Variants in PCDHGA1 observed in about 807,000 individuals in gnomAD.
PCDHGA1 encodes the protein protocadherin gamma subfamily A, 1.
Under a neutral mutation model 58.0 loss-of-function variants are expected in PCDHGA1, and 32 were observed. The observed-to-expected ratio is 0.55, with a 90% CI of 0.42 to 0.74. The LOEUF (loss-of-function observed/expected upper bound fraction) is 0.74. Among genes scored for constraint, PCDHGA1 ranks in the 30% least tolerant of loss-of-function variants. PCDHGA1 has a pLI of 0.00. For missense variants in PCDHGA1, 1,205 were observed against 1,182.3 expected, an observed-to-expected ratio of 1.02 and a Z score of -0.28; for synonymous variants, 498 against 501.1, an observed-to-expected ratio of 0.99 and a Z score of 0.08.
Position 141,476,659 on chromosome 5 carries a change from G to C in PCDHGA1, c.2422-18148G>C. On this transcript the variant is annotated intron_variant, in intron 1 of 3. Transcript: ENST00000517417. This position sits in a 1 kb window ranked among gnomAD's most constrained non-coding sequence, Gnocchi z 7.6. ...AGCTGAGCCGAAATGAATACTTTGCGCTTCGCGTGCAGACGCGGGAGGACA... is the reference window on the plus strand; with the variant it reads ...AGCTGAGCCGAAATGAATACTTTGCCCTTCGCGTGCAGACGCGGGAGGACA... 1 of 1,614,252 alleles carries C rather than the reference G, an allele frequency of 6.2e-7. No individual in the cohort carries two copies. The highest frequency in any genetic ancestry group is 8.5e-7 in the Non-Finnish European group (1 of 1,180,048).
rs144482292 is a variant in PCDHGA1 at position 141,385,630 on chromosome 5, C to T, written c.2421+52525C>T. 4.8e-3 allele frequency: 4,617 copies of T among 957,834 alleles called. 22 individuals are homozygous for T. The highest frequency in any genetic ancestry group is 0.011 in the Admixed American group (240 of 22,730). The allele number at this position is 957,834 out of a possible 1,614,324, so 59.3% of individuals were successfully genotyped here. ...ATATATTTTATACATTGGAATGAAT[C>T]GAGTCTTTCATATTGCACAAGGTTA... is the stretch of plus-strand genomic sequence containing the variant. On this transcript the variant is annotated intron_variant, in intron 1 of 3. Coordinates refer to ENST00000517417, the MANE Select transcript of PCDHGA1 (RefSeq NM_018912.3).
In PCDHGA1 at chr5:141,366,563, G is replaced by A. The variant is rs369803383; in HGVS notation, c.2421+33458G>A. 2.0e-5 allele frequency: 32 copies of A among 1,614,130 alleles called. No individual in the cohort carries two copies. The African/African-American group carries it at 3.1e-4, about 15-fold the overall frequency. On this transcript the variant is annotated intron_variant, in intron 1 of 3. Coordinates refer to ENST00000517417, the MANE Select transcript of PCDHGA1 (RefSeq NM_018912.3). ...CGCCTCGCACTTTGTGGGCGTGGAT[G>A]GGGTTCGGGCTTTCCTGCAGACCTA...
chr5:141,345,729 G>A, intron 1 of PCDHGA1: 1 of 1,614,194 alleles, frequency 6.2e-7, no homozygotes, highest in African/African-American at 1.3e-5. Context: ...CCTGTACCCC[G>A]CCCTCCCCAC....
intron 1 of PCDHGA1, among the ~76,000 whole-genome samples, chr5:141,438,747 T>C (rs2098059577): frequency 6.7e-6 from 1 of 148,680 alleles, no homozygotes. Flanking sequence ...CTGCAACCTC[T>C]GCCTCCTGGG....
intron 1 of PCDHGA1, among the ~76,000 whole-genome samples, chr5:141,347,421 C>T (rs775475714): frequency 1.3e-5 from 2 of 152,048 alleles, no homozygotes; most frequent in Non-Finnish European, 2.9e-5. Flanking sequence ...TCCCAAAGTA[C>T]TGCGATTAGA....
intron 1 of PCDHGA1, among the ~76,000 whole-genome samples, chr5:141,482,800 G>A (rs10052648): frequency 7.6e-6 from 1 of 130,764 alleles, no homozygotes; most frequent in South Asian, 2.2e-4. Flanking sequence ...GGCCGGGTAC[G>A]GTGGCTCATG....
chr5:141,415,269 G>T, intron 1 of PCDHGA1: 1 of 1,614,228 alleles, frequency 6.2e-7, no homozygotes, highest in African/African-American at 1.3e-5. Flanking sequence ...TGTACCTGGT[G>T]GTAGCGGTGG....
chr5:141,348,302 A>G (rs918390681), intron 1 of PCDHGA1, among the ~76,000 whole-genome samples: 1 of 152,220 alleles, frequency 6.6e-6, no homozygotes, highest in African/African-American at 2.4e-5. Context: ...TCACTGAAAC[A>G]TGGAAATACA....
In PCDHGA1 at chr5:141,433,172, G is replaced by C. The variant is rs147848043; in HGVS notation, c.2422-61635G>C. 533 of 1,610,720 alleles carry C rather than the reference G, an allele frequency of 3.3e-4. 5 individuals carry two copies. In the South Asian group the frequency reaches 5.0e-3, roughly 15 times the overall value. On this transcript the variant is annotated intron_variant, in intron 1 of 3. Transcript: ENST00000517417. ...TTCGGTATTTTCTAAAGACAGTCAT[G>C]GGTTAATTGAGGTGAGTTTATATCA...
intron 1 of PCDHGA1, among the ~76,000 whole-genome samples, chr5:141,450,467 T>C (rs997813636): frequency 9.2e-5 from 14 of 151,944 alleles, no homozygotes; most frequent in African/African-American, 3.2e-4. Flanking sequence ...ATTTTATATA[T>C]AGAGTTTGTT....
intron 1 of PCDHGA1, chr5:141,395,176 A>G (rs750497200): frequency 1.1e-5 from 18 of 1,614,206 alleles, no homozygotes; most frequent in East Asian, 8.9e-5. Flanking sequence ...TGTGAGAAAA[A>G]TGATTCTTTG....
chr5:141,478,148 C>T lies in PCDHGA1; in HGVS notation c.2422-16659C>T, dbSNP rs752958567. ...CTCTCCTGAAGCCCGAGCCGAGTTC[C>T]CCTCTGGCTCTGCCCCCCGGGAGCA... On this transcript the variant is annotated intron_variant, in intron 1 of 3. Coordinates refer to ENST00000517417, the MANE Select transcript of PCDHGA1 (RefSeq NM_018912.3). 3.1e-6 allele frequency: 5 copies of T among 1,613,948 alleles called. No homozygotes were observed. The highest frequency in any genetic ancestry group is 1.6e-4 in the Middle Eastern group (1 of 6,082).
rs921020435 is a variant in PCDHGA1, at chr5:141,477,853, G to A, written c.2422-16954G>A. 5.0e-6 allele frequency: 8 copies of A among 1,613,344 alleles called. No homozygotes were observed. The East Asian group carries it at 1.6e-4, about 31-fold the overall frequency. On this transcript the variant is annotated intron_variant, in intron 1 of 3. Coordinates refer to ENST00000517417, the MANE Select transcript of PCDHGA1 (RefSeq NM_018912.3). The surrounding 1 kb of genome is among the most constrained non-coding windows in gnomAD (Gnocchi z 4.9). The stretch of plus-strand genomic sequence containing the variant: ...GGCCAGGTGGGAGCTCGGTGGAGAT[G>A]CTGCCTCGAGGTACCTCAGCTGGCC...
Position 141,476,217 on chromosome 5 carries a change from A to G in PCDHGA1, c.2422-18590A>G. On this transcript the variant is annotated intron_variant, in intron 1 of 3. Coordinates refer to ENST00000517417, the MANE Select transcript of PCDHGA1 (RefSeq NM_018912.3). This position sits in a 1 kb window ranked among gnomAD's most constrained non-coding sequence, Gnocchi z 7.6. ...TTGAACAAGGCTTCCACGGTCATTC[A>G]CTATGAGATCCCGGAGGAAAGAGAG... The G allele has an allele frequency of 6.2e-7, 1 of 1,613,836 alleles. No homozygotes were observed. The highest frequency in any genetic ancestry group is 2.2e-5 in the East Asian group (1 of 44,818).
chr5:141,470,379 A>G (rs1210709847), intron 1 of PCDHGA1, among the ~76,000 whole-genome samples: 1 of 152,086 alleles, frequency 6.6e-6, no homozygotes, highest in East Asian at 1.9e-4. Flanking sequence ...TGGAAAGACT[A>G]CTCGATGATA....
intron 1 of PCDHGA1, chr5:141,414,233 T>C: frequency 1.2e-6 from 2 of 1,613,474 alleles, no homozygotes; most frequent in African/African-American, 2.7e-5. Context: ...GAGCTGACCA[T>C]CACGTCTCTA....
At chr5:141,494,772 G>C in intron 1 of PCDHGA1, 35 bp from the exon 2 acceptor site, 1 of 1,613,982 alleles carries the variant, frequency 6.2e-7, no homozygotes, top group Non-Finnish European at 8.5e-7. Context: ...ACTTCTCACG[G>C]GTACTCAGCC....
Position 141,390,134 on chromosome 5 carries a change from C to T in PCDHGA1, c.2421+57029C>T, listed in dbSNP as rs758087998. ...GCGAGGGGACTTTGCCTTATTCCTACAATCTATGTGTTGCACATACAGGAA... is the reference window on the plus strand; with the variant it reads ...GCGAGGGGACTTTGCCTTATTCCTATAATCTATGTGTTGCACATACAGGAA... On this transcript the variant is annotated intron_variant, in intron 1 of 3. Coordinates refer to ENST00000517417, the MANE Select transcript of PCDHGA1 (RefSeq NM_018912.3). The T allele has an allele frequency of 1.2e-5, 20 of 1,613,930 alleles. No homozygotes were observed. The Admixed American group carries it at 1.8e-4, about 15-fold the overall frequency.
At chr5:141,383,700 C>G in intron 1 of PCDHGA1, 1 of 1,613,936 alleles carries the variant, frequency 6.2e-7, no homozygotes, top group South Asian at 1.1e-5. Flanking sequence ...TACATGCTAT[C>G]GACCTGGACG....
Sources: gnomAD v4.1 joint callset for allele counts (sites outside exome capture counted in the v4.1 genomes callset) on GRCh38, gnomAD v4.1.1 for gene constraint, Gnocchi (gnomAD v3.1) non-coding constraint, MANE v1.5 for transcripts, NCBI Gene and HGNC (gene_info 2026-07-23, HGNC 2026-07-21) for gene names.